Variants in GLRA3 observed in about 807,000 individuals in gnomAD.
The protein encoded by GLRA3 is glycine receptor subunit alpha-3.
GLRA3 carries 44 observed loss-of-function variants against 60.4 expected under a neutral mutation model. That is an observed-to-expected ratio of 0.73 (90% CI 0.57 to 0.94). GLRA3 has a LOEUF of 0.94. Ranked by LOEUF, GLRA3 falls within the 40% of genes least tolerant of loss-of-function variation. The pLI, the probability that GLRA3 is intolerant of heterozygous loss-of-function variation, is 0.00. For missense variants in GLRA3, 508 were observed against 564.6 expected (o/e 0.90, Z 1.02); for synonymous variants, 223 against 192.9 (o/e 1.16, Z -1.29).
At chr4:174,781,845 T>A (rs1263761336) in intron 2 of GLRA3, among the ~76,000 whole-genome samples, 2 of 151,596 alleles carry the variant, frequency 1.3e-5, no homozygotes, top group Non-Finnish European at 2.9e-5. Flanking sequence ...CCAAAAAGAG[T>A]CCAGGACCAA....
chr4:174,660,353 C>T (rs761084992), intron 7 of GLRA3, among the ~76,000 whole-genome samples: 23 of 152,028 alleles, frequency 1.5e-4, no homozygotes, highest in Non-Finnish European at 2.9e-4. Context: ...TCTGTCTCTC[C>T]TTGCTTTTTT....
chr4:174,639,615 A>G lies in GLRA3; in HGVS notation c.*4171T>C, dbSNP rs1732581601. On this transcript the variant is annotated 3_prime_UTR_variant, in exon 10 of 10. Transcript: ENST00000274093. ...GAGAGTTATATTTTACACATGGCCTATAAGTATCTTTGTTATGGAAGAATA... is the reference window on the plus strand; with the variant it reads ...GAGAGTTATATTTTACACATGGCCTGTAAGTATCTTTGTTATGGAAGAATA... The G allele has an allele frequency of 6.6e-6, 1 of 152,122 alleles. No homozygotes were observed. The highest frequency in any genetic ancestry group is 2.4e-5 in the African/African-American group (1 of 41,432). The allele number at this position is 152,122 out of a possible 1,614,324, so 9.4% of individuals were successfully genotyped here. A position where few individuals can be genotyped will look rare whatever the true frequency, so the allele number is the denominator to read the frequency against.
intron 5 of GLRA3, chr4:174,713,508 C>G (rs1735798808): frequency 6.6e-6 from 1 of 152,118 alleles, no homozygotes; most frequent in Admixed American, 6.5e-5. Context: ...AACAAAAAAC[C>G]TTTTTAGATT....
intron 5 of GLRA3, among the ~76,000 whole-genome samples, chr4:174,688,240 A>G (rs1734624083): frequency 1.3e-5 from 2 of 148,562 alleles, no homozygotes; most frequent in Non-Finnish European, 3.0e-5. Flanking sequence ...ACCATCTAAT[A>G]AAACACCTTT....
chr4:174,803,687 T>C (rs943911618), intron 1 of GLRA3, among the ~76,000 whole-genome samples: 1 of 152,218 alleles, frequency 6.6e-6, no homozygotes, highest in African/African-American at 2.4e-5. Context: ...ACCATGACTC[T>C]TTCGGTCAGG....
In GLRA3 at chr4:174,794,452, C is replaced by G. The variant is rs1739480391; in HGVS notation, c.72-5509G>C. ...TAGGAAGGCAACAGCGTTAAACAATCAAAATACAACACAATTTTATGCACA... is the reference window on the plus strand; with the variant it reads ...TAGGAAGGCAACAGCGTTAAACAATGAAAATACAACACAATTTTATGCACA... On this transcript the variant is annotated intron_variant, in intron 1 of 9. Transcript: ENST00000274093. Among the ~76,000 whole-genome samples the G allele has an allele frequency of 2.0e-5, 3 of 151,986 alleles. No homozygotes were observed. The South Asian group carries it at 6.2e-4, about 32-fold the overall frequency.
At chr4:174,813,978 A>AG (rs1322752283) in intron 1 of GLRA3, among the ~76,000 whole-genome samples, 1 of 152,186 alleles carries the variant, frequency 6.6e-6, no homozygotes, top group African/African-American at 2.4e-5. Context: ...GGGAGCACAC[A>AG]GGTGAGAGTC....
chr4:174,645,415 G>A (rs1333751683), intron 9 of GLRA3, among the ~76,000 whole-genome samples: 25 of 117,316 alleles, frequency 2.1e-4, no homozygotes, highest in South Asian at 8.0e-4. Context: ...GTGAGACTCC[G>A]TCTCCAAAAA....
At chr4:174,783,691 T>C (rs1738992397) in intron 2 of GLRA3, among the ~76,000 whole-genome samples, 1 of 147,540 alleles carries the variant, frequency 6.8e-6, no homozygotes, top group African/African-American at 2.5e-5. Context: ...AAAGAAGACA[T>C]TTATGCAGCC....
intron 1 of GLRA3, among the ~76,000 whole-genome samples, chr4:174,789,815 A>C (rs1739255248): frequency 6.6e-6 from 1 of 152,176 alleles, no homozygotes; most frequent in South Asian, 2.1e-4. Context: ...ACTTTCTGGA[A>C]CTGATGTGTT....
At chr4:174,813,355 G>T (rs547397231) in intron 1 of GLRA3, among the ~76,000 whole-genome samples, 4 of 152,288 alleles carry the variant, frequency 2.6e-5, no homozygotes, top group South Asian at 4.1e-4. Context: ...ACCAAAATTA[G>T]TGCAGCCTTA....
At chr4:174,814,715 C>G (rs1182666203) in intron 1 of GLRA3, among the ~76,000 whole-genome samples, 1 of 152,098 alleles carries the variant, frequency 6.6e-6, no homozygotes, top group Admixed American at 6.5e-5. Context: ...ACCATCAGAT[C>G]TGATGAGATT....
intron 5 of GLRA3, among the ~76,000 whole-genome samples, chr4:174,705,829 C>T (rs1579478428): frequency 8.7e-6 from 1 of 115,368 alleles, no homozygotes; most frequent in Non-Finnish European, 1.7e-5. Flanking sequence ...ATGGAACTTG[C>T]ATGTAGTGGG....
At chr4:174,784,021 GTATGTT>G (rs1404040935) in intron 2 of GLRA3, among the ~76,000 whole-genome samples, 7 of 149,218 alleles carry the variant, frequency 4.7e-5, no homozygotes, top group African/African-American at 7.4e-5. Context: ...ACATGCACAC[GTATGTT>G]TATTGCGGCA....
chr4:174,801,125 T>C (rs1739795496), intron 1 of GLRA3, among the ~76,000 whole-genome samples: 1 of 152,100 alleles, frequency 6.6e-6, no homozygotes, highest in African/African-American at 2.4e-5. Flanking sequence ...CAACTTATGA[T>C]GAGTTTATCA....
chr4:174,705,599 G>A (rs1482549733), intron 5 of GLRA3, among the ~76,000 whole-genome samples: 1 of 141,410 alleles, frequency 7.1e-6, no homozygotes, highest in African/African-American at 2.5e-5. Context: ...TTTCAGTTAT[G>A]TAAGAGAAGA....
chr4:174,823,863 A>G (rs1248788590), intron 1 of GLRA3, among the ~76,000 whole-genome samples: 1 of 152,218 alleles, frequency 6.6e-6, no homozygotes, highest in Non-Finnish European at 1.5e-5. Flanking sequence ...TGAGATAAAT[A>G]GCATAAAACT....
chr4:174,797,985 G>T (rs1739637699), intron 1 of GLRA3, among the ~76,000 whole-genome samples: 1 of 151,606 alleles, frequency 6.6e-6, no homozygotes, highest in South Asian at 2.1e-4. Context: ...GATGAAAATA[G>T]CCAATAAATA....
chr4:174,755,808 T>C (rs961016853), intron 3 of GLRA3, among the ~76,000 whole-genome samples: 1 of 152,054 alleles, frequency 6.6e-6, no homozygotes, highest in Non-Finnish European at 1.5e-5. Flanking sequence ...CGAACTATTA[T>C]TATTCATAGA....
Sources: allele counts gnomAD v4.1 joint callset (sites outside exome capture counted in the v4.1 genomes callset), GRCh38; gene constraint gnomAD v4.1.1; transcripts MANE v1.5; gene names NCBI Gene and HGNC (gene_info 2026-07-23, HGNC 2026-07-21).